Variants in DCBLD2 observed in about 807,000 individuals in gnomAD.
DCBLD2 encodes the protein discoidin, CUB and LCCL domain containing 2, also known as discoidin, CUB and LCCL domain-containing protein 2.
DCBLD2 carries 54 observed loss-of-function variants against 86.8 expected under a neutral mutation model. The observed-to-expected ratio is 0.62, with a 90% confidence interval of 0.50 to 0.78. The LOEUF is 0.78. Among genes scored for constraint, DCBLD2 ranks in the 30% least tolerant of loss-of-function variants. DCBLD2 has a pLI of 0.00. For synonymous variants in DCBLD2, 354 were observed against 341.3 expected, an observed-to-expected ratio of 1.04 and a Z score of -0.41; for missense variants, 908 against 954.2, an observed-to-expected ratio of 0.95 and a Z score of 0.64.
At position 98,798,072 on chromosome 3, in the gene DCBLD2, A is replaced by C. The variant is rs1347615701; in HGVS notation, c.*1300T>G. On this transcript the variant is annotated 3_prime_UTR_variant, in exon 16 of 16. Coordinates refer to ENST00000326840, the MANE Select transcript of DCBLD2 (RefSeq NM_080927.4). ...CTAAAACTAGCTCTGGGCAGGTATG[A>C]ACAAGTGGTGACATGGAAGCTGCCA... 6.6e-6 allele frequency: 1 copy of C among 152,210 alleles called. No individual in the cohort carries two copies. Among genetic ancestry groups the C allele is most frequent in the African/African-American group, 2.4e-5 (1 of 41,452 alleles). 9.4% of individuals were successfully genotyped at this position (152,210 alleles called of 1,614,324 possible). A position where few individuals can be genotyped will look rare whatever the true frequency, so the allele number is the denominator to read the frequency against.
chr3:98,883,475 A>G (rs1015122849), intron 1 of DCBLD2, among the ~76,000 whole-genome samples: 2 of 152,180 alleles, frequency 1.3e-5, no homozygotes, highest in African/African-American at 4.8e-5. Flanking sequence ...TGCTCCAGAA[A>G]TTTATTCAGC....
intron 2 of DCBLD2, among the ~76,000 whole-genome samples, chr3:98,876,491 G>T (rs1386316326): frequency 7.4e-6 from 1 of 135,366 alleles, no homozygotes; most frequent in African/African-American, 2.8e-5. Context: ...CATAGTAAGA[G>T]AAATGCAAAT....
At chr3:98,811,114 G>A (rs1941930566) in intron 12 of DCBLD2, 80 bp downstream of exon 12, 5 of 1,411,740 alleles carry the variant, frequency 3.5e-6, no homozygotes, top group Non-Finnish European at 4.7e-6. Flanking sequence ...ATAAACTGAA[G>A]GTTTAAAAAT....
At position 98,842,211 on chromosome 3, in the gene DCBLD2, G is replaced by T. The variant is rs114144215; in HGVS notation, c.571+7250C>A. ...TTATTTAAATAACCAATTTCCCAGA[G>T]CCTTAAACAATATGTGGTCTTGCTT... On this transcript the variant is annotated intron_variant, in intron 3 of 15. Coordinates refer to ENST00000326840, the MANE Select transcript of DCBLD2 (RefSeq NM_080927.4). Among the ~76,000 whole-genome samples the T allele has an allele frequency of 6.8e-3, 1,028 of 152,232 alleles. 12 individuals are homozygous for T. The highest frequency in any genetic ancestry group is 0.024 in the African/African-American group (977 of 41,524).
chr3:98,860,285 G>C (rs1240782984), intron 2 of DCBLD2, among the ~76,000 whole-genome samples: 1 of 152,172 alleles, frequency 6.6e-6, no homozygotes, highest in Non-Finnish European at 1.5e-5. Flanking sequence ...ATGGAACCAA[G>C]TTGGAAAACA....
intron 14 of DCBLD2, 131 bp from the exon 15 acceptor site, chr3:98,800,847 A>C: frequency 1.6e-6 from 2 of 1,287,512 alleles, no homozygotes; most frequent in South Asian, 1.5e-5. Context: ...TGCCTTTATA[A>C]TCCAACTTTT....
chr3:98,866,849 T>G (rs974986745), intron 2 of DCBLD2, among the ~76,000 whole-genome samples: 10 of 152,244 alleles, frequency 6.6e-5, no homozygotes, highest in Non-Finnish European at 1.0e-4. Flanking sequence ...GGTCTAACAT[T>G]TAAGTCTTTA....
Position 98,874,687 on chromosome 3 carries a change from G to A in DCBLD2, c.433+6853C>T, listed in dbSNP as rs1287389287. ...TTTAGAGAGGTAATTAAAATTAAAT[G>A]GTTTTAGTTTTCCTAAGGTGGGGCG... On this transcript the variant is annotated intron_variant, in intron 2 of 15. Transcript: ENST00000326840. Among the ~76,000 whole-genome samples the A allele has an allele frequency of 2.0e-5, 3 of 152,132 alleles. No homozygotes were observed. In the East Asian group the frequency reaches 5.8e-4, roughly 29 times the overall value.
chr3:98,888,549 A>G (rs1240070505), intron 1 of DCBLD2, among the ~76,000 whole-genome samples: 1 of 152,044 alleles, frequency 6.6e-6, no homozygotes, highest in Non-Finnish European at 1.5e-5. Context: ...TTTAAACGAC[A>G]TACCATACGA....
At chr3:98,826,320 C>T (rs902619034) in intron 3 of DCBLD2, among the ~76,000 whole-genome samples, 3 of 152,184 alleles carry the variant, frequency 2.0e-5, no homozygotes, top group African/African-American at 4.8e-5. Flanking sequence ...GGCTTCTCGC[C>T]GCTCCAGTCT....
At chr3:98,874,711 C>T (rs2470859) in intron 2 of DCBLD2, among the ~76,000 whole-genome samples, 54,471 of 151,880 alleles carry the variant, frequency 0.36, 9,886 homozygotes, top group Non-Finnish European at 0.38. Flanking sequence ...TAAGGTGGGG[C>T]GCTGATCCAA....
intron 3 of DCBLD2, among the ~76,000 whole-genome samples, chr3:98,837,688 G>T (rs1942497289): frequency 1.2e-5 from 1 of 84,048 alleles, no homozygotes; most frequent in African/African-American, 4.4e-5. Flanking sequence ...TGGCCGGGCG[G>T]GGGGCTGACC....
chr3:98,864,010 A>G (rs1943094439), intron 2 of DCBLD2, among the ~76,000 whole-genome samples: 1 of 152,220 alleles, frequency 6.6e-6, no homozygotes, highest in African/African-American at 2.4e-5. Context: ...CAAATTTACA[A>G]GAAAAAAACA....
intron 3 of DCBLD2, among the ~76,000 whole-genome samples, chr3:98,845,446 G>A (rs1219780552): frequency 6.6e-6 from 1 of 152,028 alleles, no homozygotes; most frequent in Non-Finnish European, 1.5e-5. Context: ...TGACTCTACA[G>A]TCTTTACAAA....
chr3:98,888,184 C>T (rs1943594665), intron 1 of DCBLD2, among the ~76,000 whole-genome samples: 1 of 151,938 alleles, frequency 6.6e-6, no homozygotes, highest in Non-Finnish European at 1.5e-5. Context: ...TTTTAAAATA[C>T]TGCATAAGAT....
intron 1 of DCBLD2, among the ~76,000 whole-genome samples, chr3:98,882,716 C>T (rs1943493705): frequency 1.3e-5 from 2 of 152,158 alleles, no homozygotes; most frequent in African/African-American, 2.4e-5. Context: ...ATGATGGTTT[C>T]CAGCTTCATC....
intron 1 of DCBLD2, among the ~76,000 whole-genome samples, chr3:98,898,678 T>G (rs1268857850): frequency 6.6e-6 from 1 of 152,126 alleles, no homozygotes. Context: ...AACAGACTTC[T>G]TTTCAGGTTA....
intron 13 of DCBLD2, among the ~76,000 whole-genome samples, chr3:98,805,872 A>G (rs1341330259): frequency 6.6e-6 from 1 of 152,092 alleles, no homozygotes; most frequent in East Asian, 1.9e-4. Flanking sequence ...ACAGTGAGTT[A>G]TACTTTATTT....
chr3:98,826,581 G>C (rs1227910144), intron 3 of DCBLD2, among the ~76,000 whole-genome samples: 2 of 152,150 alleles, frequency 1.3e-5, no homozygotes, highest in Non-Finnish European at 2.9e-5. Context: ...TGACTTGTTG[G>C]TGTAATTATA....
Sources: gnomAD v4.1 joint callset for allele counts (sites outside exome capture counted in the v4.1 genomes callset) on GRCh38, gnomAD v4.1.1 for gene constraint, MANE v1.5 for transcripts, NCBI Gene and HGNC (gene_info 2026-07-23, HGNC 2026-07-21) for gene names.